Variants in SORT1 observed in about 807,000 individuals in gnomAD.
SORT1 encodes sortilin 1, also known as sortilin.
Under a neutral mutation model 101.7 loss-of-function variants are expected in SORT1, and 39 were observed. The observed-to-expected ratio is 0.38, with a 90% CI of 0.30 to 0.50. SORT1 has a LOEUF of 0.50. Ranked by LOEUF, SORT1 falls within the 20% of genes least tolerant of loss-of-function variation. The pLI, the probability that SORT1 is intolerant of heterozygous loss-of-function variation, is 0.90. For synonymous variants in SORT1, 396 were observed against 393.7 expected (o/e 1.01, Z -0.07); for missense variants, 878 against 1,040.4 (o/e 0.84, Z 2.15).
chr1:109,375,650 A>G (rs912163746), intron 1 of SORT1, among the ~76,000 whole-genome samples: 1 of 152,064 alleles, frequency 6.6e-6, no homozygotes, highest in Non-Finnish European at 1.5e-5. Flanking sequence ...AAACACGATG[A>G]AAAATACACC....
chr1:109,391,400 C>G (rs1181959097), intron 1 of SORT1, among the ~76,000 whole-genome samples: 1 of 152,176 alleles, frequency 6.6e-6, no homozygotes, highest in African/African-American at 2.4e-5. Flanking sequence ...CCTCTGGCCT[C>G]TCCCATATGA....
At position 109,338,093 on chromosome 1, in the gene SORT1, G is replaced by T. The variant is rs905762661; in HGVS notation, c.1265-1747C>A. ...GAAAATACTTGCGCAGCTAAAGGTG[G>T]ATTGATAGTGTGTGTGTGAGGAGGC... On this transcript the variant is annotated intron_variant, in intron 10 of 19. Transcript: ENST00000256637. Among the ~76,000 whole-genome samples the T allele has an allele frequency of 1.3e-4, 20 of 152,310 alleles. No homozygotes were observed. The South Asian group carries it at 3.7e-3, about 28-fold the overall frequency.
intron 1 of SORT1, among the ~76,000 whole-genome samples, chr1:109,378,334 T>C (rs2101641348): frequency 6.6e-6 from 1 of 152,004 alleles, no homozygotes; most frequent in South Asian, 2.1e-4. Flanking sequence ...AGGAAATATA[T>C]TTAAGAAGAC....
At chr1:109,329,441 G>A (rs1441599062) in intron 11 of SORT1, among the ~76,000 whole-genome samples, 1 of 152,154 alleles carries the variant, frequency 6.6e-6, no homozygotes, top group Non-Finnish European at 1.5e-5. Context: ...TTTTAGTAGA[G>A]ACAGGGTTTC....
chr1:109,333,377 T>G (rs943810738), intron 11 of SORT1, among the ~76,000 whole-genome samples: 3 of 152,074 alleles, frequency 2.0e-5, no homozygotes, highest in African/African-American at 7.2e-5. Context: ...GATACGACCC[T>G]AAAAGCACAG....
chr1:109,314,300 G>A lies in SORT1; in HGVS notation c.2442C>T (p.Ser814=). ...CATGATAACCACTTTTATTAGTGTG[G>A]GAGGCTGTGTCCAAAGCATCCACAC... ...VDGVDALDTA[S]HTNKSGYHDD... is the part of the protein sequence containing the mutation. The change falls in exon 19 of 20, where the codon TCC becomes TCT. Residue 814 remains serine (S), a synonymous_variant. Transcript: ENST00000256637. The A allele has an allele frequency of 6.2e-7, 1 of 1,614,008 alleles. No homozygotes were observed.
Position 109,313,954 on chromosome 1 carries a change from G to C in SORT1, c.*89C>G. The C allele has an allele frequency of 1.5e-6, 2 of 1,371,844 alleles. No individual in the cohort carries two copies. Among genetic ancestry groups the C allele is most frequent in the East Asian group, 2.3e-5 (1 of 43,666 alleles). The allele number at this position is 1,371,844 out of a possible 1,614,324, so 85.0% of individuals were successfully genotyped here. On this transcript the variant is annotated 3_prime_UTR_variant, in exon 20 of 20. Coordinates refer to ENST00000256637, the MANE Select transcript of SORT1 (RefSeq NM_002959.7). ...AAACAGAGCTGGGTCCCTCGCAATGGGAAATTTATTTCCTGAAGTTGGAGC... is the reference window on the plus strand; with the variant it reads ...AAACAGAGCTGGGTCCCTCGCAATGCGAAATTTATTTCCTGAAGTTGGAGC...
At chr1:109,331,376 C>T (rs1648444488) in intron 11 of SORT1, among the ~76,000 whole-genome samples, 1 of 152,102 alleles carries the variant, frequency 6.6e-6, no homozygotes. Context: ...ATCATATCAT[C>T]TTGATAAATC....
chr1:109,314,111 A>G, intron 19 of SORT1, 54 bp from the exon 20 acceptor site: 1 of 1,612,332 alleles, frequency 6.2e-7, no homozygotes, highest in Non-Finnish European at 8.5e-7. Flanking sequence ...CTATTTCAAA[A>G]GCAATCACCT....
chr1:109,332,839 TG>T (rs1648551326), intron 11 of SORT1, among the ~76,000 whole-genome samples: 1 of 152,286 alleles, frequency 6.6e-6, no homozygotes, highest in South Asian at 2.1e-4. Context: ...TTGACAAGGG[TG>T]TCAAGAACAC....
In SORT1 at chr1:109,310,572, T is replaced by C. The variant is rs781600085; in HGVS notation, c.*3471A>G. 1 of 153,802 alleles carries C rather than the reference T, an allele frequency of 6.5e-6. No individual in the cohort carries two copies. The highest frequency in any genetic ancestry group is 1.5e-5 in the Non-Finnish European group (1 of 68,046). 9.5% of individuals were successfully genotyped at this position (153,802 alleles called of 1,614,324 possible). A position where few individuals can be genotyped will look rare whatever the true frequency, so the allele number is the denominator to read the frequency against. On this transcript the variant is annotated 3_prime_UTR_variant, in exon 20 of 20. Transcript: ENST00000256637. ...GCTTCAGGGAAGATGGTAGCAAAGT[T>C]GAAAGCCGAATCCCTTCCTATTTTA...
At position 109,397,649 on chromosome 1, in the gene SORT1, C is replaced by T. The variant is rs1653275049; in HGVS notation, c.244G>A (p.Glu82Lys). ...CGGACCCGGCCGCACTCCTCGTCCT[C>T]GCCCGGCGCGCTGCGACGCCAACGG... Reference protein sequence around the residue: ...GGRWRRSAPGEDEECGRVRDF... With the variant: ...GGRWRRSAPGKDEECGRVRDF... The change falls in exon 1 of 20, where the codon GAG becomes AAG. Residue 82 changes from glutamate to lysine, a missense_variant. Glu to Lys is a moderately conservative substitution (Grantham distance 56, BLOSUM62 1). Coordinates refer to ENST00000256637, the MANE Select transcript of SORT1 (RefSeq NM_002959.7). 5 of 1,236,556 alleles carry T rather than the reference C, an allele frequency of 4.0e-6. No homozygotes were observed. The highest frequency in any genetic ancestry group is 4.6e-5 in the East Asian group (1 of 21,746). The allele number at this position is 1,236,556 out of a possible 1,614,324, so 76.6% of individuals were successfully genotyped here.
At chr1:109,332,134 T>C (rs760351879) in intron 11 of SORT1, among the ~76,000 whole-genome samples, 1 of 152,152 alleles carries the variant, frequency 6.6e-6, no homozygotes, top group Non-Finnish European at 1.5e-5. Flanking sequence ...ACAGATTAAA[T>C]GTAATGCCTA....
Position 109,397,906 on chromosome 1 carries a change from CG to C in SORT1, c.-15del. The C allele has an allele frequency of 8.7e-7, 1 of 1,146,238 alleles. No individual in the cohort carries two copies. Among genetic ancestry groups the C allele is most frequent in the Non-Finnish European group, 1.1e-6 (1 of 935,212 alleles). 71.0% of individuals were successfully genotyped at this position (1,146,238 alleles called of 1,614,324 possible). ...GGGCCGCTCCATCGCCGCCGAATGC[CG>C]CCGACGCCGACACCTGCCGCCCGGC... is the stretch of plus-strand genomic sequence containing the variant. On this transcript the variant is annotated 5_prime_UTR_variant, in exon 1 of 20. Coordinates refer to ENST00000256637, the MANE Select transcript of SORT1 (RefSeq NM_002959.7).
chr1:109,385,690 A>C (rs889183503), intron 1 of SORT1, among the ~76,000 whole-genome samples: 1 of 152,110 alleles, frequency 6.6e-6, no homozygotes, highest in African/African-American at 2.4e-5. Flanking sequence ...GAGTATGCCA[A>C]GCTCTTTCTA....
At chr1:109,351,971 T>G (rs76824695) in intron 5 of SORT1, among the ~76,000 whole-genome samples, 9 of 28,064 alleles carry the variant, frequency 3.2e-4, no homozygotes, top group African/African-American at 5.4e-4. Context: ...TAGGGGTGTG[T>G]GTGTGTGTGT....
In SORT1 at chr1:109,314,710, T is replaced by C; in HGVS notation, c.2319A>G (p.Ala773=). 1.9e-6 allele frequency: 3 copies of C among 1,610,686 alleles called. No homozygotes were observed. The highest frequency in any genetic ancestry group is 2.5e-6 in the Non-Finnish European group (3 of 1,176,830). The change falls in exon 18 of 20, where the codon GCA becomes GCG. Residue 773 remains alanine (A), a synonymous_variant. Transcript: ENST00000256637. ...CATATTTCTTCACAATGAGCACTCC[T>C]GCTACGACTGTGACCAGCATCAATC... ...IVGLMLVTVV[A]GVLIVKKYVC... is the part of the protein sequence containing the mutation.
In SORT1 at chr1:109,314,256, C is replaced by T. The variant is rs1189317101; in HGVS notation, c.2481+5G>A. On this transcript the variant is annotated splice_donor_5th_base_variant and intron_variant, in intron 19 of 19. Coordinates refer to ENST00000256637, the MANE Select transcript of SORT1 (RefSeq NM_002959.7). ...GTACTACCATTCAAGAAGAAATAGC[C>T]TCACCTCATCTGAGTCATCATGATA... 6.2e-7 allele frequency: 1 copy of T among 1,612,958 alleles called. No homozygotes were observed. Among genetic ancestry groups the T allele is most frequent in the Admixed American group, 1.7e-5 (1 of 59,924 alleles).
At chr1:109,320,478 T>C (rs141982591) in intron 15 of SORT1, among the ~76,000 whole-genome samples, 75 of 152,312 alleles carry the variant, frequency 4.9e-4, no homozygotes, top group African/African-American at 1.6e-3. Context: ...CCCAATGGCC[T>C]ATCTTCCAGG....
Sources: gnomAD v4.1 joint callset for allele counts (sites outside exome capture counted in the v4.1 genomes callset) on GRCh38, gnomAD v4.1.1 for gene constraint, MANE v1.5 for transcripts, NCBI Gene and HGNC (gene_info 2026-07-23, HGNC 2026-07-21) for gene names.